TBCE: variants seen among roughly 807,000 people sequenced by gnomAD.
TBCE encodes the protein tubulin-specific chaperone E.
Under a neutral mutation model 77.0 loss-of-function variants are expected in TBCE, and 53 were observed. The observed-to-expected ratio is 0.69, with a 90% CI of 0.55 to 0.87. TBCE has a LOEUF of 0.87. Ranked by LOEUF, TBCE falls within the 40% of genes least tolerant of loss-of-function variation. TBCE has a pLI of 0.00. For missense variants in TBCE, 624 were observed against 622.4 expected, an observed-to-expected ratio of 1.00 and a Z score of -0.03; for synonymous variants, 235 against 241.3, an observed-to-expected ratio of 0.97 and a Z score of 0.24.
chr1:235,389,982 T>C (rs2102833477), intron 2 of TBCE, among the ~76,000 whole-genome samples: 1 of 151,636 alleles, frequency 6.6e-6, no homozygotes, highest in East Asian at 2.0e-4. Flanking sequence ...AAAAATTAGC[T>C]GGGTTTTGTG....
Position 235,449,132 on chromosome 1 carries a change from T to A in TBCE, c.*370T>A, listed in dbSNP as rs1307101737. 1 of 277,584 alleles carries A rather than the reference T, an allele frequency of 3.6e-6. No individual in the cohort carries two copies. The highest frequency in any genetic ancestry group is 7.0e-6 in the Non-Finnish European group (1 of 143,604). The allele number at this position is 277,584 out of a possible 1,614,324, so 17.2% of individuals were successfully genotyped here. A position where few individuals can be genotyped will look rare whatever the true frequency, so the allele number is the denominator to read the frequency against. On this transcript the variant is annotated 3_prime_UTR_variant, in exon 17 of 17. Coordinates refer to ENST00000642610, the MANE Select transcript of TBCE (RefSeq NM_003193.5). ...TAATGGAATTCTCTATTGAAACTAC[T>A]ATTTTAAAGGGTTACTAGAAATGAT...
chr1:235,409,851 A>T (rs1040237207), intron 3 of TBCE, among the ~76,000 whole-genome samples: 1 of 140,934 alleles, frequency 7.1e-6, no homozygotes, highest in Non-Finnish European at 1.5e-5. Context: ...TAACACAGTG[A>T]AACCCCGTCT....
intron 7 of TBCE, chr1:235,432,877 T>C (rs1572423937): frequency 1.7e-6 from 1 of 588,742 alleles, no homozygotes; most frequent in Non-Finnish European, 2.2e-6. Context: ...TATTATATAT[T>C]ATTATACATA....
intron 1 of TBCE, among the ~76,000 whole-genome samples, chr1:235,374,261 TGTTAAATGAATGCTTTTCA>T (rs1352460705): frequency 6.8e-6 from 1 of 146,158 alleles, no homozygotes; most frequent in Non-Finnish European, 1.5e-5. Context: ...TAGCCTACAC[TGTTAAATGAATGCTTTTCA>T]GACCATTGTA....
intron 15 of TBCE, among the ~76,000 whole-genome samples, chr1:235,444,605 A>G (rs1034362746): frequency 1.3e-5 from 2 of 152,094 alleles, no homozygotes; most frequent in Admixed American, 6.5e-5. Context: ...AAGCCTCGCT[A>G]TGTTGCTAAG....
intron 4 of TBCE, among the ~76,000 whole-genome samples, chr1:235,418,258 C>T (rs1022447889): frequency 6.6e-6 from 1 of 152,170 alleles, no homozygotes. Context: ...ACTTGGGTTG[C>T]TTCCACCTCT....
intron 1 of TBCE, among the ~76,000 whole-genome samples, chr1:235,378,657 GC>G (rs1453012825): frequency 2.6e-5 from 4 of 152,116 alleles, no homozygotes; most frequent in Admixed American, 2.0e-4. Flanking sequence ...GACCAGCCTG[GC>G]CAACATGGTG....
intron 13 of TBCE, among the ~76,000 whole-genome samples, chr1:235,440,041 G>A (rs551822480): frequency 9.1e-4 from 138 of 152,146 alleles, no homozygotes; most frequent in African/African-American, 2.9e-3. Context: ...CGCGATCTCC[G>A]CTCACTGCAA....
intron 15 of TBCE, among the ~76,000 whole-genome samples, chr1:235,446,858 A>AT (rs1016932950): frequency 2.0e-5 from 3 of 151,680 alleles, no homozygotes; most frequent in African/African-American, 2.4e-5. Flanking sequence ...CTAATTTTTT[A>AT]TTTTTTGTAG....
intron 3 of TBCE, among the ~76,000 whole-genome samples, chr1:235,413,007 T>C (rs193027426): frequency 7.2e-4 from 110 of 152,210 alleles, no homozygotes; most frequent in African/African-American, 2.4e-3. Context: ...TTCTTCATGT[T>C]GGTCAGGCTG....
intron 1 of TBCE, among the ~76,000 whole-genome samples, chr1:235,372,922 TAA>T (rs71174418): frequency 2.8e-4 from 21 of 76,190 alleles, no homozygotes; most frequent in Middle Eastern, 7.9e-3. Context: ...AGACTCCGTC[TAA>T]AAAAAAAAAA....
rs1682633710 is a variant in TBCE, at chr1:235,448,515, A to G, written c.1491+75A>G. On this transcript the variant is annotated intron_variant, in intron 16 of 16. Transcript: ENST00000642610. ...TTATGACATTAAACTGTCTCTAGAT[A>G]GCAACAGTTTGATTCTAAATGGAGA... 2.7e-5 allele frequency: 40 copies of G among 1,482,164 alleles called. No individual in the cohort carries two copies. The South Asian group carries it at 4.4e-4, about 16-fold the overall frequency. 91.8% of individuals were successfully genotyped at this position (1,482,164 alleles called of 1,614,324 possible). A position where few individuals can be genotyped will look rare whatever the true frequency, so the allele number is the denominator to read the frequency against.
At chr1:235,435,067 A>T (rs374370088) in intron 8 of TBCE, among the ~76,000 whole-genome samples, 12 of 151,986 alleles carry the variant, frequency 7.9e-5, no homozygotes, top group African/African-American at 2.9e-4. Context: ...TCGTTTACAG[A>T]AGGGTTTCAT....
intron 15 of TBCE, among the ~76,000 whole-genome samples, chr1:235,445,212 T>G (rs1682166135): frequency 6.6e-6 from 1 of 152,250 alleles, no homozygotes; most frequent in Non-Finnish European, 1.5e-5. Context: ...TCCCCTTTTT[T>G]ATTTGCTTTT....
chr1:235,369,975 C>G (rs1423001187), intron 1 of TBCE, among the ~76,000 whole-genome samples: 1 of 152,174 alleles, frequency 6.6e-6, no homozygotes, highest in Non-Finnish European at 1.5e-5. Context: ...GCATCCTAGC[C>G]TCAGGATATT....
intron 4 of TBCE, 89 bp downstream of exon 4, chr1:235,414,707 T>TATACATATACTCATATG: frequency 7.5e-7 from 1 of 1,328,674 alleles, no homozygotes. Context: ...TGGATGCTCA[T>TATACATATACTCATATG]GACTTTGCTC....
rs755245939 is a variant in TBCE at position 235,436,377 on chromosome 1, G to A, written c.834-9G>A. On this transcript the variant is annotated splice_polypyrimidine_tract_variant and intron_variant, in intron 9 of 16. Transcript: ENST00000642610. ...TCTGTGTAATCAAATTGTACATTTT[G>A]AATTTCAGGTTAGAACAATTAATCC... The A allele has an allele frequency of 1.2e-6, 2 of 1,611,824 alleles. No individual in the cohort carries two copies. Among genetic ancestry groups the A allele is most frequent in the Non-Finnish European group, 8.5e-7 (1 of 1,178,250 alleles).
In TBCE at chr1:235,395,340, C is replaced by G. The variant is rs1255129029; in HGVS notation, c.101-6163C>G. On this transcript the variant is annotated intron_variant, in intron 2 of 16. Transcript: ENST00000642610. Reference sequence around the variant, plus strand: ...AATGAGGTATCCATCACCATTTATTCTCTGTTTGTTACAAACAGCCCAATT... The same window carrying G: ...AATGAGGTATCCATCACCATTTATTGTCTGTTTGTTACAAACAGCCCAATT... Among the ~76,000 whole-genome samples, 14 of 152,140 alleles carry G rather than the reference C, an allele frequency of 9.2e-5. No homozygotes were observed. In the East Asian group the frequency reaches 1.7e-3, roughly 19 times the overall value.
Position 235,448,700 on chromosome 1 carries a change from G to T in TBCE, c.1522G>T (p.Asp508Tyr), listed in dbSNP as rs763573622. ...KPGREIELEN[D>Y]LKSLQFYSVE... ...GGGCAGAGAAATCGAGCTGGAAAATGACCTAAAGTCATTACAGTTTTATTC... is the reference window on the plus strand; with the variant it reads ...GGGCAGAGAAATCGAGCTGGAAAATTACCTAAAGTCATTACAGTTTTATTC... The change falls in exon 17 of 17, where the codon GAC (aspartate) becomes TAC (tyrosine). Residue 508 changes from aspartate (D) to tyrosine (Y), a missense_variant. Transcript: ENST00000642610. The T allele has an allele frequency of 9.3e-6, 15 of 1,613,908 alleles. No homozygotes were observed. Among genetic ancestry groups the T allele is most frequent in the South Asian group, 4.4e-5 (4 of 91,028 alleles).
Sources: allele counts gnomAD v4.1 joint callset (sites outside exome capture counted in the v4.1 genomes callset), GRCh38; gene constraint gnomAD v4.1.1; transcripts MANE v1.5; gene names NCBI Gene and HGNC (gene_info 2026-07-23, HGNC 2026-07-21).